ITPR2: variants seen among roughly 807,000 people sequenced by gnomAD.
ITPR2 encodes inositol 1,4,5-trisphosphate-gated calcium channel ITPR2.
Under a neutral mutation model 317.1 loss-of-function variants are expected in ITPR2, and 207 were observed. That is an observed-to-expected ratio of 0.65 (90% confidence interval 0.58 to 0.73). ITPR2 has a LOEUF of 0.73. ITPR2 is among the 30% of genes least tolerant of loss of function. The pLI is 0.00. For missense variants in ITPR2, 2,613 were observed against 3,284.0 expected (o/e 0.80, Z 4.99); for synonymous variants, 1,156 against 1,149.1 (o/e 1.01, Z -0.12).
chr12:26,544,605 GACAC>G (rs10648602), intron 37 of ITPR2, among the ~76,000 whole-genome samples: 13 of 146,334 alleles, frequency 8.9e-5, no homozygotes, highest in Non-Finnish European at 9.2e-5. Context: ...GAGACACACA[GACAC>G]ACACACACAC....
At chr12:26,725,204 T>C (rs1948899995) in intron 3 of ITPR2, among the ~76,000 whole-genome samples, 1 of 152,118 alleles carries the variant, frequency 6.6e-6, no homozygotes, top group South Asian at 2.1e-4. Context: ...AAAATAAAAG[T>C]TCTTAATTCT....
At chr12:26,716,914 C>A (rs192573581) in intron 5 of ITPR2, among the ~76,000 whole-genome samples, 2 of 152,280 alleles carry the variant, frequency 1.3e-5, no homozygotes, top group East Asian at 3.9e-4. Flanking sequence ...AAGTGCTCTA[C>A]AGAAGTAACT....
rs538364234 is a variant in ITPR2 at position 26,725,749 on chromosome 12, C to A, written c.180G>T (p.Val60=). The part of the protein sequence containing the change: ...PKKFRDCLFK[V]CPMNRYSAQK... The stretch of plus-strand genomic sequence containing the variant: ...GGGCAGAATATCTGTTCATAGGGCA[C>A]ACCTTGAAAAGGCAGTCTGTGACAA... Residue 60 remains valine, a synonymous_variant, in exon 3 of 57, where the codon GTG becomes GTT. Coordinates refer to ENST00000381340, the MANE Select transcript of ITPR2 (RefSeq NM_002223.4). 7.1e-5 allele frequency: 115 copies of A among 1,612,654 alleles called. 2 individuals are homozygous for A. In the South Asian group the frequency reaches 1.2e-3, roughly 17 times the overall value.
At chr12:26,724,632 C>A (rs1342544966) in intron 4 of ITPR2, 24 bp downstream of exon 4, 3 of 1,425,058 alleles carry the variant, frequency 2.1e-6, no homozygotes, top group Middle Eastern at 1.8e-4. Flanking sequence ...AAAATACTCA[C>A]CTCGTTTAAG....
intron 20 of ITPR2, 146 bp downstream of exon 20, chr12:26,655,562 C>T (rs1286788459): frequency 2.5e-5 from 14 of 565,504 alleles, no homozygotes; most frequent in Admixed American, 3.4e-5. Flanking sequence ...TGCAGTGAGC[C>T]GAGATCATGC....
At chr12:26,674,215 C>CA (rs1350317563) in intron 13 of ITPR2, among the ~76,000 whole-genome samples, 2 of 150,654 alleles carry the variant, frequency 1.3e-5, no homozygotes, top group African/African-American at 4.9e-5. Flanking sequence ...CATATGGAAC[C>CA]AAAAAAGAGC....
At chr12:26,464,535 C>T (rs1327159047) in intron 45 of ITPR2, among the ~76,000 whole-genome samples, 5 of 152,212 alleles carry the variant, frequency 3.3e-5, no homozygotes, top group Non-Finnish European at 7.3e-5. Context: ...CAGACTGGTA[C>T]CTGTCTGGAG....
At chr12:26,595,046 G>C (rs998042474) in intron 32 of ITPR2, among the ~76,000 whole-genome samples, 1 of 152,160 alleles carries the variant, frequency 6.6e-6, no homozygotes, top group Non-Finnish European at 1.5e-5. Context: ...GTCCTCAGTC[G>C]GCTGGTCAAG....
chr12:26,498,012 A>G (rs1942984538), intron 37 of ITPR2, among the ~76,000 whole-genome samples: 1 of 152,216 alleles, frequency 6.6e-6, no homozygotes, highest in Admixed American at 6.5e-5. Flanking sequence ...CTGGGATTAC[A>G]GGCATGAGCC....
rs1565478045 is a variant in ITPR2, at chr12:26,339,384, TC to T, written c.*12del. The T allele has an allele frequency of 6.2e-7, 1 of 1,609,146 alleles. No individual in the cohort carries two copies. The highest frequency in any genetic ancestry group is 8.5e-7 in the Non-Finnish European group (1 of 1,175,862). The stretch of plus-strand genomic sequence containing the variant: ...CACTGATGAAAGGCTAGTCACGGCT[TC>T]CCCCCATGGTATCAGTGTGGTGGCA... On this transcript the variant is annotated 3_prime_UTR_variant, in exon 57 of 57. Coordinates refer to ENST00000381340, the MANE Select transcript of ITPR2 (RefSeq NM_002223.4).
At chr12:26,383,347 C>T (rs577558868) in intron 55 of ITPR2, among the ~76,000 whole-genome samples, 54 of 152,298 alleles carry the variant, frequency 3.5e-4, no homozygotes, top group African/African-American at 1.1e-3. Flanking sequence ...AACAGACTAA[C>T]ACAGTGCTTT....
intron 2 of ITPR2, among the ~76,000 whole-genome samples, chr12:26,765,781 A>T (rs1266353844): frequency 6.6e-6 from 1 of 152,142 alleles, no homozygotes; most frequent in Non-Finnish European, 1.5e-5. Context: ...GAAATCTTGT[A>T]CTTACTGCCT....
intron 48 of ITPR2, among the ~76,000 whole-genome samples, chr12:26,428,995 G>C (rs941939079): frequency 6.6e-6 from 1 of 152,154 alleles, no homozygotes; most frequent in Non-Finnish European, 1.5e-5. Flanking sequence ...TTCAATAACA[G>C]TCTTAATCTT....
At position 26,659,133 on chromosome 12, in the gene ITPR2, G is replaced by C; in HGVS notation, c.1866C>G (p.Leu622=). The change falls in exon 16 of 57, where the codon CTC becomes CTG. Residue 622 remains leucine (L), a synonymous_variant. Transcript: ENST00000381340. ...AKEIETFVSL[L]RRNREPRFLD... ...CAAACCTTGGCTCCCGATTTCTCCT[G>C]AGTAAACTGACAAATGTTTCTATTT... The C allele has an allele frequency of 6.2e-7, 1 of 1,613,118 alleles. No homozygotes were observed. The highest frequency in any genetic ancestry group is 8.5e-7 in the Non-Finnish European group (1 of 1,179,464).
In ITPR2 at chr12:26,459,997, C is replaced by G. The variant is rs150834646; in HGVS notation, c.6342+15299G>C. Among the ~76,000 whole-genome samples, 10 of 152,334 alleles carry G rather than the reference C, an allele frequency of 6.6e-5. No homozygotes were observed. In the East Asian group the frequency reaches 1.9e-3, roughly 29 times the overall value. On this transcript the variant is annotated intron_variant, in intron 45 of 56. Coordinates refer to ENST00000381340, the MANE Select transcript of ITPR2 (RefSeq NM_002223.4). ...ACCATCATCTGCCAACTAGCCAACTCTATACCTAGAACCATCCAAGACTCT... is the reference window on the plus strand; with the variant it reads ...ACCATCATCTGCCAACTAGCCAACTGTATACCTAGAACCATCCAAGACTCT...
chr12:26,360,568 T>A (rs1938794651), intron 55 of ITPR2, among the ~76,000 whole-genome samples: 1 of 152,196 alleles, frequency 6.6e-6, no homozygotes, highest in Non-Finnish European at 1.5e-5. Context: ...AATACATGCC[T>A]ACTTAACTTC....
chr12:26,519,996 C>G (rs188804979), intron 37 of ITPR2, among the ~76,000 whole-genome samples: 1 of 152,090 alleles, frequency 6.6e-6, no homozygotes, highest in Non-Finnish European at 1.5e-5. Flanking sequence ...ATAGTGATTA[C>G]CTGGCTGGGA....
At chr12:26,529,622 G>C (rs142990077) in intron 37 of ITPR2, among the ~76,000 whole-genome samples, 71 of 152,344 alleles carry the variant, frequency 4.7e-4, no homozygotes, top group Admixed American at 2.4e-3. Context: ...TCTAATGCCA[G>C]CTGGGTCATG....
chr12:26,654,144 A>AT lies in ITPR2; in HGVS notation c.2590-19_2590-18insA. 8.3e-7 allele frequency: 1 copy of AT among 1,204,820 alleles called. No individual in the cohort carries two copies. The highest frequency in any genetic ancestry group is 1.1e-6 in the Non-Finnish European group (1 of 887,050). The allele number at this position is 1,204,820 out of a possible 1,614,324, so 74.6% of individuals were successfully genotyped here. A position where few individuals can be genotyped will look rare whatever the true frequency, so the allele number is the denominator to read the frequency against. On this transcript the variant is annotated intron_variant, in intron 20 of 56. Transcript: ENST00000381340. The stretch of plus-strand genomic sequence containing the variant: ...TGGACCACCTTAATAAAAAAAAAAA[A>AT]GCGGGGAGGGGGAGGGTGAAAGAGT...
Sources: gnomAD v4.1 joint callset for allele counts (sites outside exome capture counted in the v4.1 genomes callset) on GRCh38, gnomAD v4.1.1 for gene constraint, MANE v1.5 for transcripts, NCBI Gene and HGNC (gene_info 2026-07-23, HGNC 2026-07-21) for gene names.